The following DACH1 variants were observed in gnomAD, a reference collection of about 807,000 sequenced individuals.
The protein encoded by DACH1 is dachshund family transcription factor 1.
DACH1 carries 12 observed loss-of-function variants against 54.2 expected under a neutral mutation model. That is an observed-to-expected ratio of 0.22 (90% CI 0.14 to 0.36). The LOEUF is 0.36. DACH1 is among the 10% of genes least tolerant of loss of function. DACH1 has a pLI of 1.00. For synonymous variants in DACH1, 386 were observed against 366.2 expected (o/e 1.05, Z -0.62); for missense variants, 805 against 929.8 (o/e 0.87, Z 1.75).
At chr13:71,748,870 CTT>C (rs773383252) in intron 1 of DACH1, among the ~76,000 whole-genome samples, 25 of 23,992 alleles carry the variant, frequency 1.0e-3, no homozygotes, top group East Asian at 7.1e-3. Flanking sequence ...TTCTTTCTTT[CTT>C]TCTTTCTTTC....
rs45594831 is a variant in DACH1 at position 71,630,517 on chromosome 13, A to C, written c.1126+39T>G. Reference sequence around the variant, plus strand: ...AAAGCATTTACTGTAATTCAGTAGCAAAGTGATCACAATAAGTTTCAGCGA... The same window carrying C: ...AAAGCATTTACTGTAATTCAGTAGCCAAGTGATCACAATAAGTTTCAGCGA... On this transcript the variant is annotated intron_variant, in intron 3 of 10. Transcript: ENST00000613252. The C allele has an allele frequency of 3.2e-3, 4,845 of 1,526,152 alleles. 9 individuals are homozygous for C. Among genetic ancestry groups the C allele is most frequent in the Non-Finnish European group, 4.0e-3 (4,546 of 1,142,046 alleles). 94.5% of individuals were successfully genotyped at this position (1,526,152 alleles called of 1,614,324 possible).
intron 6 of DACH1, among the ~76,000 whole-genome samples, chr13:71,524,385 A>T (rs1445186932): frequency 1.3e-5 from 2 of 152,194 alleles, no homozygotes; most frequent in Non-Finnish European, 2.9e-5. Flanking sequence ...CTGAGTCAGT[A>T]ACTCTAAAAA....
intron 2 of DACH1, among the ~76,000 whole-genome samples, chr13:71,651,369 C>CA (rs536561575): frequency 0.11 from 7,846 of 69,672 alleles, 291 homozygotes; most frequent in African/African-American, 0.2. Flanking sequence ...CCCTGTCTCA[C>CA]AAAAAAAAAA....
At chr13:71,493,805 G>A (rs991482076) in intron 6 of DACH1, among the ~76,000 whole-genome samples, 1 of 151,900 alleles carries the variant, frequency 6.6e-6, no homozygotes, top group African/African-American at 2.4e-5. Flanking sequence ...GAGTAACAAT[G>A]TATCAGTTTG....
chr13:71,572,220 T>C (rs994452304), intron 4 of DACH1, among the ~76,000 whole-genome samples: 9 of 152,166 alleles, frequency 5.9e-5, no homozygotes, highest in African/African-American at 1.9e-4. Context: ...AAGTAAAACA[T>C]ATTTACATAT....
intron 3 of DACH1, among the ~76,000 whole-genome samples, chr13:71,610,995 T>C (rs554766746): frequency 1.3e-5 from 2 of 152,298 alleles, no homozygotes; most frequent in East Asian, 3.9e-4. Flanking sequence ...TTGAGCCCCA[T>C]ACACACAAAG....
At chr13:71,681,563 T>A (rs1196556860) in intron 2 of DACH1, among the ~76,000 whole-genome samples, 1 of 152,208 alleles carries the variant, frequency 6.6e-6, no homozygotes, top group Non-Finnish European at 1.5e-5. Flanking sequence ...GTGGTAGGAT[T>A]AATTAAAATA....
At chr13:71,572,297 T>C (rs1885263203) in intron 4 of DACH1, among the ~76,000 whole-genome samples, 1 of 152,138 alleles carries the variant, frequency 6.6e-6, no homozygotes, top group Admixed American at 6.5e-5. Flanking sequence ...GAATTGTGTA[T>C]ATATGCACAT....
chr13:71,446,045 A>C (rs547060293), intron 10 of DACH1, among the ~76,000 whole-genome samples: 1 of 152,210 alleles, frequency 6.6e-6, no homozygotes, highest in Non-Finnish European at 1.5e-5. Context: ...CATGGAGAAG[A>C]CTTTGCAAAA....
chr13:71,485,204 T>C (rs957034944), intron 7 of DACH1, among the ~76,000 whole-genome samples: 2 of 151,544 alleles, frequency 1.3e-5, no homozygotes, highest in African/African-American at 4.8e-5. Flanking sequence ...TTGTTCTCCA[T>C]GGACAGGATT....
intron 1 of DACH1, among the ~76,000 whole-genome samples, chr13:71,825,588 C>T (rs949526444): frequency 1.3e-5 from 2 of 152,006 alleles, no homozygotes; most frequent in African/African-American, 2.4e-5. Flanking sequence ...TTTCACTTAG[C>T]GCAATGTTTT....
intron 1 of DACH1, among the ~76,000 whole-genome samples, chr13:71,782,643 T>C (rs900763190): frequency 5.3e-5 from 8 of 152,122 alleles, no homozygotes; most frequent in Admixed American, 5.2e-4. Context: ...TCAGGAACTA[T>C]CTTAGTCATC....
chr13:71,822,254 A>C (rs1459907888), intron 1 of DACH1, among the ~76,000 whole-genome samples: 1 of 152,204 alleles, frequency 6.6e-6, no homozygotes, highest in Non-Finnish European at 1.5e-5. Context: ...TGTGATTTCC[A>C]CTATATTTGT....
chr13:71,724,405 A>G (rs1223264758), intron 1 of DACH1, among the ~76,000 whole-genome samples: 1 of 152,168 alleles, frequency 6.6e-6, no homozygotes, highest in African/African-American at 2.4e-5. Flanking sequence ...ATAAAATTAA[A>G]TTTATAATAA....
intron 1 of DACH1, among the ~76,000 whole-genome samples, chr13:71,722,095 C>A (rs1024704928): frequency 5.9e-5 from 9 of 152,098 alleles, no homozygotes; most frequent in Admixed American, 4.6e-4. Flanking sequence ...ATACAACCAG[C>A]ATATGCCATT....
intron 1 of DACH1, among the ~76,000 whole-genome samples, chr13:71,751,285 T>A (rs1432531587): frequency 6.6e-6 from 1 of 152,170 alleles, no homozygotes; most frequent in African/African-American, 2.4e-5. Flanking sequence ...TTAAGTGCTG[T>A]TTACTATAAT....
At chr13:71,713,428 T>A (rs984275773) in intron 1 of DACH1, among the ~76,000 whole-genome samples, 3 of 152,170 alleles carry the variant, frequency 2.0e-5, no homozygotes, top group African/African-American at 7.2e-5. Flanking sequence ...TATAATTATA[T>A]CACTACCAAA....
At chr13:71,778,811 T>C (rs1057156271) in intron 1 of DACH1, among the ~76,000 whole-genome samples, 7 of 152,030 alleles carry the variant, frequency 4.6e-5, no homozygotes, top group Non-Finnish European at 1.0e-4. Flanking sequence ...GTATAGTTTA[T>C]AGAATTGTTA....
intron 1 of DACH1, among the ~76,000 whole-genome samples, chr13:71,847,904 A>C (rs1411055856): frequency 6.6e-6 from 1 of 152,204 alleles, no homozygotes; most frequent in Non-Finnish European, 1.5e-5. Flanking sequence ...AGTTTTTGCT[A>C]AATGGTTGAA....
Sources: gnomAD v4.1 joint callset for allele counts (sites outside exome capture counted in the v4.1 genomes callset) on GRCh38, gnomAD v4.1.1 for gene constraint, MANE v1.5 for transcripts, NCBI Gene and HGNC (gene_info 2026-07-23, HGNC 2026-07-21) for gene names.